ADGRE5: variants seen among roughly 807,000 people sequenced by gnomAD.
ADGRE5 encodes adhesion G protein-coupled receptor E5, also known as CD97 molecule.
ADGRE5 carries 72 observed loss-of-function variants against 100.3 expected under a neutral mutation model. The observed-to-expected ratio is 0.72, with a 90% CI of 0.59 to 0.87. The LOEUF is 0.87. Among genes scored for constraint, ADGRE5 ranks in the 40% least tolerant of loss-of-function variants. The pLI is 0.00. For missense variants in ADGRE5, 959 were observed against 1,094.7 expected, an observed-to-expected ratio of 0.88 and a Z score of 1.75; for synonymous variants, 439 against 447.8, an observed-to-expected ratio of 0.98 and a Z score of 0.25.
At position 14,405,876 on chromosome 19, in the gene ADGRE5, C is replaced by G. The variant is rs1976206815; in HGVS notation, c.1758C>G (p.Leu586=). 6.2e-7 allele frequency: 1 copy of G among 1,612,540 alleles called. No individual in the cohort carries two copies. Among genetic ancestry groups the G allele is most frequent in the South Asian group, 1.1e-5 (1 of 91,086 alleles). The part of the protein sequence containing the change: ...QGSRTTIHLH[L]CICLFVGSTI... The stretch of plus-strand genomic sequence containing the variant: ...CGCGCACCACCATACACCTGCACCT[C>G]TGCATCTGCCTCTTCGTGGGCTCCA... The change falls in exon 14 of 20, where the codon CTC becomes CTG. Residue 586 remains leucine (L), a synonymous_variant. Transcript: ENST00000242786.
chr19:14,402,697 G>T lies in ADGRE5; in HGVS notation c.1284G>T (p.Glu428Asp). The change falls in exon 12 of 20, where the codon GAG (glutamate) becomes GAT (aspartate). Residue 428 changes from glutamate to aspartate, a missense_variant. By Grantham distance (45) the Glu-to-Asp change is conservative (BLOSUM62 2). This residue lies in a region of ADGRE5 where 246 missense variants were observed against 242.2 expected (regional missense o/e 1.02). Coordinates refer to ENST00000242786, the MANE Select transcript of ADGRE5 (RefSeq NM_078481.4). ...LHSKKQAELE[E>D]IYESSIRGVQ... ...CCAAGAAGCAAGCCGAACTGGAGGAGATATATGAAAGCAGCATCCGTGGTG... is the reference window on the plus strand; with the variant it reads ...CCAAGAAGCAAGCCGAACTGGAGGATATATATGAAAGCAGCATCCGTGGTG... 1 of 1,614,172 alleles carries T rather than the reference G, an allele frequency of 6.2e-7. No individual in the cohort carries two copies. Among genetic ancestry groups the T allele is most frequent in the Non-Finnish European group, 8.5e-7 (1 of 1,180,016 alleles).
At position 14,397,108 on chromosome 19, in the gene ADGRE5, G is replaced by A. The variant is rs148941728; in HGVS notation, c.510G>A (p.Pro170=). The A allele has an allele frequency of 2.4e-4, 392 of 1,612,108 alleles. 1 individual carries two copies. The highest frequency in any genetic ancestry group is 1.9e-3 in the South Asian group (175 of 90,962). ...ATGAATGCACCTCCGGACAAAACCC[G>A]TGCCACAGCTCCACCCACTGCCTCA... ...DVNECTSGQN[P]CHSSTHCLNN... Residue 170 remains proline, a synonymous_variant, in exon 6 of 20, where the codon CCG becomes CCA. Transcript: ENST00000242786.
intron 1 of ADGRE5, among the ~76,000 whole-genome samples, chr19:14,387,338 G>A (rs1431573780): frequency 2.0e-5 from 3 of 152,072 alleles, no homozygotes; most frequent in African/African-American, 4.8e-5. Context: ...CCCTCAAGCC[G>A]AGCTCGGGAG....
rs770768759 is a variant in ADGRE5 at position 14,402,794 on chromosome 19, C to T, written c.1381C>T (p.Pro461Ser). 24 of 1,613,984 alleles carry T rather than the reference C, an allele frequency of 1.5e-5. No individual in the cohort carries two copies. Among genetic ancestry groups the T allele is most frequent in the Non-Finnish European group, 8.5e-7 (1 of 1,180,028 alleles). The change falls in exon 12 of 20, where the codon CCC becomes TCC. Residue 461 changes from proline to serine, a missense_variant. By Grantham distance (74) the Pro-to-Ser change is moderately conservative (BLOSUM62 -1). Transcript: ENST00000242786. ...SHNNTKELNSPILFAFSHLES... is the reference protein window; with the variant it reads ...SHNNTKELNSSILFAFSHLES... ...CAACAACACCAAGGAACTCAACTCC[C>T]CCATCCTTTTCGCCTTCTCCCACCT...
chr19:14,400,714 C>T (rs893296051), intron 9 of ADGRE5, among the ~76,000 whole-genome samples: 1 of 152,016 alleles, frequency 6.6e-6, no homozygotes, highest in South Asian at 2.1e-4. Context: ...ATCACTTGAA[C>T]CCAGAAGTCG....
rs755432925 is a variant in ADGRE5, at chr19:14,407,242, G to A, written c.2376+13G>A. The A allele has an allele frequency of 4.0e-5, 65 of 1,613,236 alleles. No homozygotes were observed. Among genetic ancestry groups the A allele is most frequent in the Non-Finnish European group, 5.3e-5 (63 of 1,179,676 alleles). ...GCTCAACAAGAAGGTGGGGGCCTGG[G>A]CACAGTGGCGCACGCCTGTCATCCT... On this transcript the variant is annotated intron_variant, in intron 18 of 19. Transcript: ENST00000242786.
rs767429902 is a variant in ADGRE5 at position 14,408,146 on chromosome 19, G to A, written c.*25G>A. On this transcript the variant is annotated 3_prime_UTR_variant, in exon 20 of 20. Coordinates refer to ENST00000242786, the MANE Select transcript of ADGRE5 (RefSeq NM_078481.4). ...AAGGCGCATGGTTCTGGACGGCCCA[G>A]CAGCTCCTGTGGCCACAGCAGCTTT... is the stretch of plus-strand genomic sequence containing the variant. 8 of 1,611,752 alleles carry A rather than the reference G, an allele frequency of 5.0e-6. No homozygotes were observed. The South Asian group carries it at 8.8e-5, about 18-fold the overall frequency.
Position 14,401,455 on chromosome 19 carries a change from C to CTG in ADGRE5, c.967_968insTG (p.Arg323LeufsTer5). 6.2e-7 allele frequency: 1 copy of CTG among 1,614,086 alleles called. No homozygotes were observed. Among genetic ancestry groups the CTG allele is most frequent in the Non-Finnish European group, 8.5e-7 (1 of 1,180,004 alleles). ...CGTAGAGGCCCTGGCGCCACCTGTCCGGCACCTCATAGCCACCCAGCTGCT... is the reference window on the plus strand; with the variant it reads ...CGTAGAGGCCCTGGCGCCACCTGTCCTGGGCACCTCATAGCCACCCAGCTGCT... On this transcript the variant is annotated frameshift_variant, in exon 10 of 20. Transcript: ENST00000242786. LOFTEE classifies it high-confidence loss of function. This position sits in a 1 kb window ranked among gnomAD's most constrained non-coding sequence, Gnocchi z 4.1.
chr19:14,404,034 G>C (rs1976117964), intron 12 of ADGRE5, among the ~76,000 whole-genome samples: 2 of 151,848 alleles, frequency 1.3e-5, no homozygotes, highest in South Asian at 4.2e-4. Flanking sequence ...CTTGCCACCA[G>C]GCCCAGCTAA....
At chr19:14,384,564 G>A (rs1349305052) in intron 1 of ADGRE5, among the ~76,000 whole-genome samples, 1 of 152,034 alleles carries the variant, frequency 6.6e-6, no homozygotes, top group Non-Finnish European at 1.5e-5. Flanking sequence ...GCAGGGACTG[G>A]ACGTCCCCTC....
rs1568317107 is a variant in ADGRE5, at chr19:14,401,911, G to A, written c.1183+151G>A. 7.9e-6 allele frequency: 4 copies of A among 507,582 alleles called. No individual in the cohort carries two copies. Among genetic ancestry groups the A allele is most frequent in the Non-Finnish European group, 1.4e-5 (4 of 292,758 alleles). 31.4% of individuals were successfully genotyped at this position (507,582 alleles called of 1,614,324 possible). A position where few individuals can be genotyped will look rare whatever the true frequency, so the allele number is the denominator to read the frequency against. ...TTTGGGAGGCCCAGGTGGGTAGATC[G>A]CTTGAGCTCAGAAGTTCAAGACCAG... On this transcript the variant is annotated intron_variant, in intron 11 of 19. Coordinates refer to ENST00000242786, the MANE Select transcript of ADGRE5 (RefSeq NM_078481.4). This position sits in a 1 kb window ranked among gnomAD's most constrained non-coding sequence, Gnocchi z 4.1.
intron 9 of ADGRE5, among the ~76,000 whole-genome samples, chr19:14,400,459 T>C (rs1453018509): frequency 6.6e-6 from 1 of 152,070 alleles, no homozygotes; most frequent in Non-Finnish European, 1.5e-5. Context: ...TGTTGTCTAA[T>C]AACTACACTT....
At chr19:14,392,718 C>A (rs1036062031) in intron 4 of ADGRE5, among the ~76,000 whole-genome samples, 3 of 151,982 alleles carry the variant, frequency 2.0e-5, no homozygotes, top group Admixed American at 1.3e-4. Flanking sequence ...GCCTGGCCAA[C>A]ATGGCGAAAC....
At chr19:14,398,372 A>G in intron 9 of ADGRE5, 1 of 549,330 alleles carries the variant, frequency 1.8e-6, no homozygotes, top group Non-Finnish European at 3.3e-6. Flanking sequence ...TGCAGCACTT[A>G]AGAACCTGGA....
chr19:14,385,872 C>G (rs920323376), intron 1 of ADGRE5, among the ~76,000 whole-genome samples: 1 of 151,384 alleles, frequency 6.6e-6, no homozygotes, highest in Non-Finnish European at 1.5e-5. Flanking sequence ...TTAGTTCAAG[C>G]GATTCTCAAG....
intron 4 of ADGRE5, 159 bp from the exon 5 acceptor site, chr19:14,396,183 A>G: frequency 7.4e-7 from 1 of 1,359,922 alleles, no homozygotes; most frequent in Non-Finnish European, 1.0e-6. Flanking sequence ...AGAAGGACTG[A>G]GCCACCACCC....
chr19:14,392,902 CAA>C (rs111576526), intron 4 of ADGRE5, among the ~76,000 whole-genome samples: 74 of 102,208 alleles, frequency 7.2e-4, no homozygotes, highest in African/African-American at 2.0e-3. Flanking sequence ...GACTCCATTT[CAA>C]AAAAAAAAAA....
At chr19:14,393,783 G>A (rs1180106020) in intron 4 of ADGRE5, among the ~76,000 whole-genome samples, 3 of 152,154 alleles carry the variant, frequency 2.0e-5, no homozygotes, top group African/African-American at 7.2e-5. Context: ...GCTTCTGTCC[G>A]CCACACTGCT....
rs772693003 is a variant in ADGRE5, at chr19:14,405,816, C to T, written c.1698C>T (p.Ile566=). ...ALSLFCLLLC[I]LTFLLVRPIQ... is the part of the protein sequence containing the mutation. Reference sequence around the variant, plus strand: ...CACTCTTCTGCCTGCTGCTGTGCATCCTCACTTTCCTGCTGGTGCGGCCCA... The same window carrying T: ...CACTCTTCTGCCTGCTGCTGTGCATTCTCACTTTCCTGCTGGTGCGGCCCA... The change falls in exon 14 of 20, where the codon ATC becomes ATT. Residue 566 remains isoleucine (I), a synonymous_variant. Coordinates refer to ENST00000242786, the MANE Select transcript of ADGRE5 (RefSeq NM_078481.4). The T allele has an allele frequency of 6.2e-7, 1 of 1,613,740 alleles. No individual in the cohort carries two copies. Among genetic ancestry groups the T allele is most frequent in the Admixed American group, 1.7e-5 (1 of 60,006 alleles).
Sources: allele counts gnomAD v4.1 joint callset (sites outside exome capture counted in the v4.1 genomes callset), GRCh38; gene constraint gnomAD v4.1.1; regional missense constraint gnomAD v4.1.1; non-coding constraint Gnocchi (gnomAD v3.1); transcripts MANE v1.5; gene names NCBI Gene and HGNC (gene_info 2026-07-23, HGNC 2026-07-21).